EHBP1: variants seen among roughly 807,000 people sequenced by gnomAD.
EHBP1 encodes EH domain binding protein 1, also known as EH domain-binding protein 1.
EHBP1 carries 55 observed loss-of-function variants against 144.0 expected under a neutral mutation model. The observed-to-expected ratio is 0.38, with a 90% CI of 0.31 to 0.48. The LOEUF is 0.48. EHBP1 is among the 20% of genes least tolerant of loss of function. The probability of loss-of-function intolerance (pLI) is 0.98; values close to 1 mark genes in which losing one functional copy is unlikely to be tolerated. For missense variants in EHBP1, 1,200 were observed against 1,364.2 expected, an observed-to-expected ratio of 0.88 and a Z score of 1.90; for synonymous variants, 469 against 472.7, an observed-to-expected ratio of 0.99 and a Z score of 0.10.
chr2:62,900,588 T>G (rs1216544552), intron 10 of EHBP1, among the ~76,000 whole-genome samples: 2 of 151,622 alleles, frequency 1.3e-5, no homozygotes, highest in Admixed American at 6.6e-5. Context: ...ACTACTGCAT[T>G]CCAGCCTGGG....
intron 14 of EHBP1, among the ~76,000 whole-genome samples, chr2:62,959,728 T>A (rs923841744): frequency 6.6e-5 from 10 of 152,200 alleles, no homozygotes; most frequent in Non-Finnish European, 1.5e-5. Context: ...TTAATCGGGT[T>A]AACAGTTTGT....
intron 19 of EHBP1, among the ~76,000 whole-genome samples, chr2:63,007,132 A>G (rs2060071124): frequency 2.6e-5 from 4 of 151,980 alleles, no homozygotes; most frequent in South Asian, 2.1e-4. Context: ...TTGACCTCCA[A>G]TGCTAGAGCT....
intron 9 of EHBP1, among the ~76,000 whole-genome samples, chr2:62,870,822 A>G (rs2050421811): frequency 6.7e-6 from 1 of 150,368 alleles, no homozygotes; most frequent in South Asian, 2.1e-4. Context: ...CTTGTTTTCT[A>G]TTGCTGTGGA....
intron 19 of EHBP1, among the ~76,000 whole-genome samples, chr2:63,028,034 A>G (rs527899428): frequency 3.3e-5 from 5 of 152,148 alleles, no homozygotes; most frequent in Admixed American, 3.3e-4. Context: ...AAGTGCTGGG[A>G]TTACAGGCGT....
At chr2:62,827,771 G>A (rs1222629259) in intron 6 of EHBP1, among the ~76,000 whole-genome samples, 1 of 151,932 alleles carries the variant, frequency 6.6e-6, no homozygotes, top group African/African-American at 2.4e-5. Flanking sequence ...GGGTTCAAGT[G>A]ATTTTCCTGC....
intron 2 of EHBP1, among the ~76,000 whole-genome samples, chr2:62,718,287 TA>T (rs1283190954): frequency 6.6e-6 from 1 of 152,242 alleles, no homozygotes; most frequent in Non-Finnish European, 1.5e-5. Flanking sequence ...TTGTGCTGTC[TA>T]GTACAGAGGG....
intron 7 of EHBP1, among the ~76,000 whole-genome samples, chr2:62,832,591 A>G (rs2046905972): frequency 6.6e-6 from 1 of 151,934 alleles, no homozygotes; most frequent in Admixed American, 6.5e-5. Context: ...AACTTTTGCA[A>G]TATTTCACAC....
At chr2:62,822,686 A>G (rs1336550447) in intron 5 of EHBP1, among the ~76,000 whole-genome samples, 1 of 152,172 alleles carries the variant, frequency 6.6e-6, no homozygotes, top group African/African-American at 2.4e-5. Flanking sequence ...GCAGTATAAG[A>G]GAGTTTGCAT....
intron 2 of EHBP1, among the ~76,000 whole-genome samples, chr2:62,732,634 G>C (rs939862095): frequency 6.6e-6 from 1 of 152,026 alleles, no homozygotes; most frequent in South Asian, 2.1e-4. Flanking sequence ...CTCACCTTTT[G>C]CCATGAATTA....
chr2:62,720,318 T>C (rs1231927880), intron 2 of EHBP1, among the ~76,000 whole-genome samples: 1 of 152,180 alleles, frequency 6.6e-6, no homozygotes, highest in Non-Finnish European at 1.5e-5. Context: ...TGGTCTCCCC[T>C]TTGCCTATAT....
At chr2:63,008,028 TG>T (rs2060116298) in intron 19 of EHBP1, among the ~76,000 whole-genome samples, 2 of 151,680 alleles carry the variant, frequency 1.3e-5, no homozygotes, top group Non-Finnish European at 3.0e-5. Flanking sequence ...CTTAAACAAT[TG>T]GATGAAAAGG....
At chr2:62,721,290 A>T (rs1017359274) in intron 2 of EHBP1, among the ~76,000 whole-genome samples, 2 of 152,216 alleles carry the variant, frequency 1.3e-5, no homozygotes, top group Non-Finnish European at 2.9e-5. Context: ...AAGATACCAC[A>T]GAGGTAAAGT....
chr2:63,007,545 A>T (rs2060093910), intron 19 of EHBP1, among the ~76,000 whole-genome samples: 1 of 151,734 alleles, frequency 6.6e-6, no homozygotes, highest in Admixed American at 6.6e-5. Flanking sequence ...CTGTTCACCT[A>T]CTTTCCCTTT....
chr2:63,034,351 T>C (rs906637147), intron 19 of EHBP1, among the ~76,000 whole-genome samples: 3 of 152,060 alleles, frequency 2.0e-5, no homozygotes, highest in Non-Finnish European at 4.4e-5. Context: ...TTGAATTTTT[T>C]AAATGGTGAA....
chr2:62,894,732 G>A (rs1191234022), intron 10 of EHBP1, among the ~76,000 whole-genome samples: 1 of 152,096 alleles, frequency 6.6e-6, no homozygotes, highest in African/African-American at 2.4e-5. Flanking sequence ...ATTGAAACCA[G>A]GTACTGAATG....
At chr2:62,986,865 C>A (rs1234559137) in intron 15 of EHBP1, among the ~76,000 whole-genome samples, 1 of 152,076 alleles carries the variant, frequency 6.6e-6, no homozygotes, top group Non-Finnish European at 1.5e-5. Context: ...AGCCAAAAAT[C>A]AAGCCTAAGG....
At chr2:62,834,654 T>G (rs903748331) in intron 7 of EHBP1, among the ~76,000 whole-genome samples, 2 of 152,252 alleles carry the variant, frequency 1.3e-5, no homozygotes, top group Non-Finnish European at 2.9e-5. Context: ...ATTCACTTTA[T>G]TTTAGTGATC....
intron 15 of EHBP1, among the ~76,000 whole-genome samples, chr2:62,983,665 C>T (rs995953698): frequency 2.0e-5 from 3 of 152,112 alleles, no homozygotes; most frequent in African/African-American, 4.8e-5. Flanking sequence ...TTCAGCCTCC[C>T]GAGTAGCTGG....
intron 7 of EHBP1, among the ~76,000 whole-genome samples, chr2:62,857,408 G>T (rs942737046): frequency 4.6e-5 from 7 of 152,162 alleles, no homozygotes; most frequent in African/African-American, 7.2e-5. Context: ...TTCAATACAT[G>T]AATAGTTGCA....
Sources: allele counts gnomAD v4.1 joint callset (sites outside exome capture counted in the v4.1 genomes callset), GRCh38; gene constraint gnomAD v4.1.1; transcripts MANE v1.5; gene names NCBI Gene and HGNC (gene_info 2026-07-23, HGNC 2026-07-21).